The following NR3C1 variants were observed in gnomAD, a reference collection of about 807,000 sequenced individuals.
NR3C1 encodes nuclear receptor subfamily 3 group C member 1, also known as glucocorticoid receptor.
Under a neutral mutation model 74.0 loss-of-function variants are expected in NR3C1, and 14 were observed. The observed-to-expected ratio is 0.19, with a 90% confidence interval of 0.12 to 0.30. The LOEUF is 0.30. NR3C1 is among the 10% of genes least tolerant of loss of function. The pLI, the probability that NR3C1 is intolerant of heterozygous loss-of-function variation, is 1.00. For synonymous variants in NR3C1, 308 were observed against 332.5 expected, an observed-to-expected ratio of 0.93 and a Z score of 0.80; for missense variants, 695 against 909.8, an observed-to-expected ratio of 0.76 and a Z score of 3.04.
chr5:143,411,051 A>T (rs1206785985), intron 1 of NR3C1, among the ~76,000 whole-genome samples: 1 of 152,168 alleles, frequency 6.6e-6, no homozygotes, highest in Non-Finnish European at 1.5e-5. Context: ...TAATTATTTT[A>T]CTCCATTTTA....
intron 2 of NR3C1, chr5:143,333,117 C>A (rs964906803): frequency 5.0e-6 from 8 of 1,592,316 alleles, no homozygotes; most frequent in Middle Eastern, 2.3e-4. Flanking sequence ...ATGGTTCTTG[C>A]GCCCTTTCCA....
intron 2 of NR3C1, among the ~76,000 whole-genome samples, chr5:143,327,566 T>C (rs962229598): frequency 3.3e-5 from 5 of 152,208 alleles, no homozygotes; most frequent in Non-Finnish European, 7.3e-5. Flanking sequence ...CTTCCACGTA[T>C]GAGCCTATAA....
chr5:143,421,128 G>A (rs1751208873), intron 1 of NR3C1, among the ~76,000 whole-genome samples: 1 of 152,096 alleles, frequency 6.6e-6, no homozygotes, highest in Non-Finnish European at 1.5e-5. Context: ...GCAACAGTGT[G>A]GGCTTTTCTC....
intron 2 of NR3C1, among the ~76,000 whole-genome samples, chr5:143,339,912 T>C: frequency 6.6e-6 from 1 of 152,168 alleles, no homozygotes; most frequent in East Asian, 1.9e-4. Context: ...CAGTATCAAA[T>C]GGCCTTACAT....
chr5:143,417,891 T>C (rs1750995729), intron 1 of NR3C1, among the ~76,000 whole-genome samples: 1 of 152,208 alleles, frequency 6.6e-6, no homozygotes, highest in African/African-American at 2.4e-5. Flanking sequence ...CAAGTTTACA[T>C]ATCACTGTGG....
chr5:143,413,499 G>T (rs1841372055), intron 1 of NR3C1, among the ~76,000 whole-genome samples: 1 of 152,050 alleles, frequency 6.6e-6, no homozygotes, highest in Non-Finnish European at 1.5e-5. Flanking sequence ...GGATTCAGGG[G>T]CTCAAATGAA....
At chr5:143,316,280 C>T (rs924750919) in intron 2 of NR3C1, among the ~76,000 whole-genome samples, 1 of 152,254 alleles carries the variant, frequency 6.6e-6, no homozygotes, top group East Asian at 1.9e-4. Flanking sequence ...GAAGATACTC[C>T]TATTCTTGCT....
At chr5:143,364,897 G>GT (rs1832925431) in intron 2 of NR3C1, among the ~76,000 whole-genome samples, 2 of 152,000 alleles carry the variant, frequency 1.3e-5, no homozygotes, top group South Asian at 4.1e-4. Context: ...TGTAGAGACA[G>GT]TATCTCAGTA....
At chr5:143,295,439 G>A in intron 7 of NR3C1, 21 bp downstream of exon 7, 2 of 1,610,826 alleles carry the variant, frequency 1.2e-6, no homozygotes, top group South Asian at 1.1e-5. Flanking sequence ...TTGACATAAG[G>A]TGAAAAGGTG....
intron 2 of NR3C1, among the ~76,000 whole-genome samples, chr5:143,357,319 T>C (rs1435321763): frequency 2.0e-5 from 3 of 152,230 alleles, no homozygotes; most frequent in Non-Finnish European, 2.9e-5. Flanking sequence ...CCACTTTCTC[T>C]TTAAATTTTA....
chr5:143,359,548 C>A (rs1831844121), intron 2 of NR3C1, among the ~76,000 whole-genome samples: 1 of 152,158 alleles, frequency 6.6e-6, no homozygotes, highest in Non-Finnish European at 1.5e-5. Flanking sequence ...TGATAAACAG[C>A]CATATGGTAT....
At chr5:143,310,692 C>T (rs528623817) in intron 3 of NR3C1, among the ~76,000 whole-genome samples, 115 of 152,158 alleles carry the variant, frequency 7.6e-4, no homozygotes, top group African/African-American at 2.6e-3. Context: ...CTCGCTCTGT[C>T]GCCCAGGCTG....
intron 6 of NR3C1, among the ~76,000 whole-genome samples, chr5:143,295,994 C>T (rs1357088290): frequency 6.6e-6 from 1 of 152,176 alleles, no homozygotes; most frequent in East Asian, 1.9e-4. Flanking sequence ...AATTTTTTCA[C>T]AGCAGTCCAT....
In NR3C1 at chr5:143,310,161, A is replaced by T. The variant is rs771200896; in HGVS notation, c.1404T>A (p.Ile468=). The T allele has an allele frequency of 6.2e-7, 1 of 1,614,076 alleles. No homozygotes were observed. The highest frequency in any genetic ancestry group is 8.5e-7 in the Non-Finnish European group (1 of 1,179,966). The change falls in exon 4 of 9, where the codon ATT becomes ATA. Residue 468 remains isoleucine (I), a synonymous_variant. Transcript: ENST00000394464. ...AGRNDCIIDK[I]RRKNCPACRY... The stretch of plus-strand genomic sequence containing the variant: ...GGCATGCTGGGCAGTTTTTTCTTCG[A>T]ATTTTATCGATGATGCAATCATTCC...
intron 3 of NR3C1, among the ~76,000 whole-genome samples, chr5:143,312,180 G>C (rs1315539327): frequency 6.6e-6 from 1 of 152,108 alleles, no homozygotes; most frequent in Non-Finnish European, 1.5e-5. Flanking sequence ...GGGTGTGGTA[G>C]CCAGCCTCCC....
chr5:143,414,455 C>T (rs1841414676), intron 1 of NR3C1, among the ~76,000 whole-genome samples: 1 of 152,188 alleles, frequency 6.6e-6, no homozygotes, highest in Non-Finnish European at 1.5e-5. Flanking sequence ...TTAATTTTAG[C>T]TCCATAGGCC....
At chr5:143,379,267 T>A (rs1378483356) in intron 2 of NR3C1, among the ~76,000 whole-genome samples, 1 of 152,252 alleles carries the variant, frequency 6.6e-6, no homozygotes, top group Non-Finnish European at 1.5e-5. Context: ...TACCTAGCCC[T>A]TTCTTTAAAA....
upstream of NR3C1, chr5:143,404,752 T>C (rs72557310): frequency 9.6e-4 from 154 of 159,796 alleles, 3 homozygotes; most frequent in East Asian, 0.022. Flanking sequence ...AATAGTAAGT[T>C]GCTGGCGAAA....
intron 3 of NR3C1, among the ~76,000 whole-genome samples, chr5:143,311,559 G>T (rs1021598409): frequency 6.6e-6 from 1 of 152,162 alleles, no homozygotes; most frequent in Non-Finnish European, 1.5e-5. Context: ...AAAATGAGGA[G>T]TTTTAACTAG....
Sources: gnomAD v4.1 joint callset for allele counts (sites outside exome capture counted in the v4.1 genomes callset) on GRCh38, gnomAD v4.1.1 for gene constraint, MANE v1.5 for transcripts, NCBI Gene and HGNC (gene_info 2026-07-23, HGNC 2026-07-21) for gene names.